The following NKAIN3 variants were observed in gnomAD, a reference collection of about 807,000 sequenced individuals.
The protein encoded by NKAIN3 is sodium/potassium-transporting ATPase subunit beta-1-interacting protein 3.
Under a neutral mutation model 30.2 loss-of-function variants are expected in NKAIN3, and 25 were observed. That is an observed-to-expected ratio of 0.83 (90% CI 0.60 to 1.16). NKAIN3 has a LOEUF of 1.16. NKAIN3 is among the 50% of genes most tolerant of loss of function. The probability of loss-of-function intolerance (pLI) is 0.00; values close to 1 mark genes in which losing one functional copy is unlikely to be tolerated. For missense variants in NKAIN3, 225 were observed against 254.1 expected (o/e 0.89, Z 0.78); for synonymous variants, 91 against 89.6 (o/e 1.02, Z -0.09).
rs1299244157 is a variant in NKAIN3, at chr8:62,980,689, C to T, written c.*15282C>T. 6.6e-6 allele frequency: 1 copy of T among 151,998 alleles called. No individual in the cohort carries two copies. Among genetic ancestry groups the T allele is most frequent in the East Asian group, 1.9e-4 (1 of 5,202 alleles). 9.4% of individuals were successfully genotyped at this position (151,998 alleles called of 1,614,324 possible). A position where few individuals can be genotyped will look rare whatever the true frequency, so the allele number is the denominator to read the frequency against. On this transcript the variant is annotated 3_prime_UTR_variant, in exon 7 of 7. Coordinates refer to ENST00000623646, the MANE Select transcript of NKAIN3 (RefSeq NM_001304533.3). The stretch of plus-strand genomic sequence containing the variant: ...GTATCTAAACCAGAAAAAAATATTC[C>T]TTGTACATGATATTTTTAGGCAAAA...
At chr8:62,923,476 G>A (rs772999253) in intron 5 of NKAIN3, among the ~76,000 whole-genome samples, 10 of 152,180 alleles carry the variant, frequency 6.6e-5, no homozygotes, top group African/African-American at 2.2e-4. Flanking sequence ...TGAGATGTCC[G>A]ATGCACTTGC....
chr8:62,609,788 T>C (rs1022315474), intron 3 of NKAIN3, among the ~76,000 whole-genome samples: 2 of 152,068 alleles, frequency 1.3e-5, no homozygotes, highest in African/African-American at 4.8e-5. Flanking sequence ...TAGGAACATG[T>C]TTGGCATGCA....
At chr8:62,605,179 A>G (rs1171332686) in intron 3 of NKAIN3, among the ~76,000 whole-genome samples, 1 of 152,148 alleles carries the variant, frequency 6.6e-6, no homozygotes. Context: ...AGTCTCATGT[A>G]GGTCTTAATG....
At chr8:62,552,005 G>T (rs1809230334) in intron 1 of NKAIN3, among the ~76,000 whole-genome samples, 1 of 152,108 alleles carries the variant, frequency 6.6e-6, no homozygotes, top group African/African-American at 2.4e-5. Context: ...TTTCCATTAT[G>T]TTCTTTATGC....
At chr8:62,577,958 A>G (rs770203606) in intron 1 of NKAIN3, among the ~76,000 whole-genome samples, 8 of 152,028 alleles carry the variant, frequency 5.3e-5, no homozygotes, top group South Asian at 2.1e-4. Flanking sequence ...GATAGAGGAC[A>G]TTTCTTTATG....
chr8:62,595,452 A>G (rs1041341764), intron 3 of NKAIN3, among the ~76,000 whole-genome samples: 4 of 142,008 alleles, frequency 2.8e-5, no homozygotes, highest in Admixed American at 7.4e-5. Context: ...GAGCTCCCAT[A>G]CAAAGGGAGG....
chr8:62,487,556 G>A (rs770521384), intron 1 of NKAIN3, among the ~76,000 whole-genome samples: 5 of 152,132 alleles, frequency 3.3e-5, no homozygotes, highest in South Asian at 4.1e-4. Flanking sequence ...AAGAGACATG[G>A]TTGAATTTCC....
At chr8:62,673,189 T>C (rs977751014) in intron 3 of NKAIN3, among the ~76,000 whole-genome samples, 2 of 152,228 alleles carry the variant, frequency 1.3e-5, no homozygotes, top group Non-Finnish European at 2.9e-5. Context: ...AATATTAAGA[T>C]CAAGTTTGTG....
chr8:62,264,507 C>T (rs10090215), intron 1 of NKAIN3, among the ~76,000 whole-genome samples: 1,636 of 152,258 alleles, frequency 0.011, 28 homozygotes, highest in African/African-American at 0.037. Context: ...CTTATTACTC[C>T]TTCCCCACTT....
chr8:62,962,957 C>T (rs1344835197), intron 6 of NKAIN3, among the ~76,000 whole-genome samples: 2 of 151,798 alleles, frequency 1.3e-5, no homozygotes, highest in Admixed American at 6.6e-5. Flanking sequence ...AATGGCATGA[C>T]CTCAGCTCAC....
chr8:62,666,191 C>T (rs560217633), intron 3 of NKAIN3, among the ~76,000 whole-genome samples: 9 of 152,102 alleles, frequency 5.9e-5, no homozygotes, highest in South Asian at 2.1e-4. Context: ...CCAGGCTGGG[C>T]GACAGAGCAA....
At chr8:62,294,801 T>C (rs1351167650) in intron 1 of NKAIN3, among the ~76,000 whole-genome samples, 3 of 152,108 alleles carry the variant, frequency 2.0e-5, no homozygotes, top group Non-Finnish European at 4.4e-5. Context: ...CACCTCAGCC[T>C]CCCAAAGTAC....
At chr8:62,863,347 G>C in intron 4 of NKAIN3, 2 of 1,547,672 alleles carry the variant, frequency 1.3e-6, no homozygotes, top group Admixed American at 1.9e-5. Flanking sequence ...CCCCTCAGTG[G>C]TCTCAGCTGC....
chr8:62,300,885 C>A (rs1346939194), intron 1 of NKAIN3, among the ~76,000 whole-genome samples: 19 of 152,032 alleles, frequency 1.2e-4, no homozygotes, highest in Non-Finnish European at 1.2e-4. Context: ...GACTTCGAAT[C>A]TCCTTTAATG....
At chr8:62,989,335 T>TA (rs1278199128), downstream of NKAIN3, among the ~76,000 whole-genome samples, 2 of 152,136 alleles carry the variant, frequency 1.3e-5, no homozygotes, top group Non-Finnish European at 1.5e-5. Context: ...GGGTAATTTA[T>TA]AAAAAATACC....
chr8:62,809,117 A>T (rs1818400430), intron 4 of NKAIN3, among the ~76,000 whole-genome samples: 1 of 152,178 alleles, frequency 6.6e-6, no homozygotes, highest in African/African-American at 2.4e-5. Flanking sequence ...CGTTCCGCCC[A>T]GCTCTCAGGT....
At position 62,969,869 on chromosome 8, in the gene NKAIN3, T is replaced by C. The variant is rs1303546562; in HGVS notation, c.*4462T>C. 6.6e-6 allele frequency among the ~76,000 whole-genome samples: 1 copy of C among 152,084 alleles called. No homozygotes were observed. The highest frequency in any genetic ancestry group is 2.4e-5 in the African/African-American group (1 of 41,418). ...AAAGTGAACTGACAGAGGAAAGTAC[T>C]CTTCATATAACTGCACAGTGAACAA... On this transcript the variant is annotated 3_prime_UTR_variant, in exon 7 of 7. Transcript: ENST00000623646.
chr8:62,335,255 A>G (rs1258247410), intron 1 of NKAIN3, among the ~76,000 whole-genome samples: 1 of 151,778 alleles, frequency 6.6e-6, no homozygotes, highest in East Asian at 2.0e-4. Flanking sequence ...GTGAAACTCC[A>G]TCTTTATTAA....
chr8:62,625,072 A>G (rs1027742301), intron 3 of NKAIN3, among the ~76,000 whole-genome samples: 1 of 152,018 alleles, frequency 6.6e-6, no homozygotes, highest in Non-Finnish European at 1.5e-5. Flanking sequence ...GATAATTTCA[A>G]CATTCCTGCC....
Sources: gnomAD v4.1 joint callset for allele counts (sites outside exome capture counted in the v4.1 genomes callset) on GRCh38, gnomAD v4.1.1 for gene constraint, MANE v1.5 for transcripts, NCBI Gene and HGNC (gene_info 2026-07-23, HGNC 2026-07-21) for gene names.